The following LTBP1 variants were observed in gnomAD, a reference collection of about 807,000 sequenced individuals.
LTBP1 encodes latent transforming growth factor beta binding protein 1.
LTBP1 carries 129 observed loss-of-function variants against 207.6 expected under a neutral mutation model. The observed-to-expected ratio is 0.62, with a 90% CI of 0.54 to 0.72. The LOEUF (loss-of-function observed/expected upper bound fraction) is 0.72, where lower values mean the gene tolerates loss of function less well. Ranked by LOEUF, LTBP1 falls within the 30% of genes least tolerant of loss-of-function variation. LTBP1 has a pLI of 0.00. For missense variants in LTBP1, 2,281 were observed against 2,217.2 expected, an observed-to-expected ratio of 1.03 and a Z score of -0.58; for synonymous variants, 963 against 833.7, an observed-to-expected ratio of 1.16 and a Z score of -2.67.
intron 2 of LTBP1, among the ~76,000 whole-genome samples, chr2:33,002,941 A>T (rs146201290): frequency 2.8e-4 from 43 of 152,142 alleles, no homozygotes; most frequent in African/African-American, 9.2e-4. Context: ...GCCTCCCAAA[A>T]TGCTGGGATT....
intron 2 of LTBP1, among the ~76,000 whole-genome samples, chr2:33,008,756 A>G (rs1423671682): frequency 6.6e-6 from 1 of 152,252 alleles, no homozygotes; most frequent in Non-Finnish European, 1.5e-5. Context: ...AGTGCTTTAA[A>G]GAAAAACAAG....
intron 3 of LTBP1, among the ~76,000 whole-genome samples, chr2:33,065,179 A>T (rs1377926555): frequency 6.6e-6 from 1 of 152,102 alleles, no homozygotes; most frequent in African/African-American, 2.4e-5. Flanking sequence ...AAATACGATT[A>T]TTTTTTATTC....
intron 3 of LTBP1, among the ~76,000 whole-genome samples, chr2:33,064,760 A>G (rs962672101): frequency 1.4e-4 from 21 of 152,212 alleles, no homozygotes; most frequent in African/African-American, 4.8e-4. Context: ...GGCCAGAAGA[A>G]AAGCTGATAA....
At chr2:33,252,965 A>G (rs2092725028) in intron 11 of LTBP1, 121 bp downstream of exon 11, 2 of 754,050 alleles carry the variant, frequency 2.7e-6, no homozygotes, top group Non-Finnish European at 3.9e-6. Flanking sequence ...CATTGTAAAT[A>G]TTTAATCACC....
intron 3 of LTBP1, among the ~76,000 whole-genome samples, chr2:33,078,776 G>T (rs148862415): frequency 1.3e-5 from 2 of 151,904 alleles, no homozygotes; most frequent in Non-Finnish European, 2.9e-5. Context: ...AGCTCAATAA[G>T]GTGATTACCT....
At position 33,263,505 on chromosome 2, in the gene LTBP1, A is replaced by C. The variant is rs1214347776; in HGVS notation, c.2617+113A>C. On this transcript the variant is annotated intron_variant, in intron 15 of 33. Coordinates refer to ENST00000404816, the MANE Select transcript of LTBP1 (RefSeq NM_206943.4). ...TGCTCATGGCAGGGTTAGCCATACT[A>C]GCAAATATTTGGAAATCATCTAAAT... 4.5e-6 allele frequency: 3 copies of C among 673,160 alleles called. No individual in the cohort carries two copies. The African/African-American group carries it at 5.3e-5, about 12-fold the overall frequency. 41.7% of individuals were successfully genotyped at this position (673,160 alleles called of 1,614,324 possible).
At chr2:33,263,493 G>T (rs1573499799) in intron 15 of LTBP1, 101 bp downstream of exon 15, 2 of 765,806 alleles carry the variant, frequency 2.6e-6, no homozygotes. Flanking sequence ...TCATGGCAGG[G>T]TTAGCCATAC....
chr2:33,340,790 T>C (rs1293867623), intron 24 of LTBP1, among the ~76,000 whole-genome samples: 1 of 152,222 alleles, frequency 6.6e-6, no homozygotes, highest in Non-Finnish European at 1.5e-5. Flanking sequence ...TGTTATTTTG[T>C]TTAATGCTCA....
chr2:33,171,507 T>C (rs538198572), intron 5 of LTBP1, among the ~76,000 whole-genome samples: 5,222 of 151,046 alleles, frequency 0.035, 112 homozygotes, highest in Middle Eastern at 0.13. Context: ...TGGGACTATG[T>C]GAAAAGACCA....
chr2:33,120,614 T>C (rs1417730448), intron 4 of LTBP1, among the ~76,000 whole-genome samples: 1 of 152,228 alleles, frequency 6.6e-6, no homozygotes, highest in Non-Finnish European at 1.5e-5. Flanking sequence ...GGTGATTCCA[T>C]GTCTTTGCTA....
rs142857073 is a variant in LTBP1, at chr2:33,262,794, A to G, written c.2491A>G (p.Thr831Ala). The G allele has an allele frequency of 1.7e-3, 2,765 of 1,606,410 alleles. 51 individuals are homozygous for G. In the African/African-American group the frequency reaches 0.033, roughly 19 times the overall value. ...ACCCCAGCTGTCTCCAGGCATTTCCACTATTCATCTGCATCCACAGTTTCC... is the reference window on the plus strand; with the variant it reads ...ACCCCAGCTGTCTCCAGGCATTTCCGCTATTCATCTGCATCCACAGTTTCC... ...GQPQLSPGIS[T>A]IHLHPQFPVV... The change falls in exon 14 of 34, where the codon ACT (threonine) becomes GCT (alanine). Residue 831 changes from threonine (T) to alanine (A), a missense_variant. Transcript: ENST00000404816.
At chr2:33,166,722 G>T (rs1022393086) in intron 5 of LTBP1, among the ~76,000 whole-genome samples, 4 of 152,162 alleles carry the variant, frequency 2.6e-5, no homozygotes, top group African/African-American at 7.2e-5. Context: ...TATATATGGA[G>T]CCCTGAGGAA....
At chr2:33,103,027 G>A (rs1208491429) in intron 3 of LTBP1, among the ~76,000 whole-genome samples, 2 of 151,282 alleles carry the variant, frequency 1.3e-5, no homozygotes, top group Non-Finnish European at 2.9e-5. Context: ...TGTATGCATT[G>A]TCTGTATGCA....
At chr2:33,072,346 T>C (rs1003619567) in intron 3 of LTBP1, among the ~76,000 whole-genome samples, 2 of 152,092 alleles carry the variant, frequency 1.3e-5, no homozygotes, top group Non-Finnish European at 2.9e-5. Context: ...CTCTTCGGCC[T>C]TTTATGGAGA....
intron 2 of LTBP1, among the ~76,000 whole-genome samples, chr2:32,976,376 G>A (rs1681781098): frequency 6.6e-6 from 1 of 152,182 alleles, no homozygotes; most frequent in African/African-American, 2.4e-5. Context: ...GTGGCGCAGT[G>A]GGGTGCACAT....
intron 32 of LTBP1, among the ~76,000 whole-genome samples, chr2:33,393,612 G>A (rs1197641488): frequency 1.3e-5 from 2 of 152,064 alleles, no homozygotes; most frequent in Non-Finnish European, 2.9e-5. Context: ...CCCTACAAAG[G>A]ACATGAACTC....
intron 5 of LTBP1, among the ~76,000 whole-genome samples, chr2:33,143,219 G>C (rs963238652): frequency 1.3e-5 from 2 of 152,084 alleles, no homozygotes; most frequent in African/African-American, 4.8e-5. Context: ...GCCAAGTGAC[G>C]ATCATGCTAC....
intron 28 of LTBP1, among the ~76,000 whole-genome samples, chr2:33,361,756 A>G (rs1184150323): frequency 6.6e-6 from 1 of 152,186 alleles, no homozygotes; most frequent in Non-Finnish European, 1.5e-5. Context: ...TTCATCCCTG[A>G]GATAGGAATA....
In LTBP1 at chr2:33,126,273, T is replaced by G. The variant is rs150262853; in HGVS notation, c.1034-8520T>G. Among the ~76,000 whole-genome samples, 219 of 152,280 alleles carry G rather than the reference T, an allele frequency of 1.4e-3. 1 individual carries two copies. The highest frequency in any genetic ancestry group is 5.0e-3 in the African/African-American group (206 of 41,556). On this transcript the variant is annotated intron_variant, in intron 4 of 33. Transcript: ENST00000404816. The stretch of plus-strand genomic sequence containing the variant: ...TTTTAGAAACAGGGTCTTGCTATAT[T>G]GCCAGGGTTAGTCTCGATCTCCTGA...
Sources: allele counts gnomAD v4.1 joint callset (sites outside exome capture counted in the v4.1 genomes callset), GRCh38; gene constraint gnomAD v4.1.1; transcripts MANE v1.5; gene names NCBI Gene and HGNC (gene_info 2026-07-23, HGNC 2026-07-21).